Variants in LIFR observed in about 807,000 individuals in gnomAD.
LIFR encodes leukemia inhibitory factor receptor.
LIFR carries 84 observed loss-of-function variants against 122.2 expected under a neutral mutation model. The observed-to-expected ratio is 0.69, with a 90% CI of 0.58 to 0.82. LIFR has a LOEUF of 0.82. Among genes scored for constraint, LIFR ranks in the 40% least tolerant of loss-of-function variants. The pLI, the probability that LIFR is intolerant of heterozygous loss-of-function variation, is 0.00. For missense variants in LIFR, 1,294 were observed against 1,311.6 expected (o/e 0.99, Z 0.21); for synonymous variants, 422 against 434.7 (o/e 0.97, Z 0.36).
chr5:38,482,219 C>T lies in LIFR; in HGVS notation c.2671-1G>A. On this transcript the variant is annotated splice_acceptor_variant, in intron 19 of 19. Transcript: ENST00000453190. LOFTEE classifies it high-confidence loss of function. ...CCAATGTTTTAAGAGCACTGCTTCC[C>T]TAGAAATAAATTTAAACACAGTGAT... The T allele has an allele frequency of 6.2e-7, 1 of 1,603,648 alleles. No individual in the cohort carries two copies. The highest frequency in any genetic ancestry group is 1.1e-5 in the South Asian group (1 of 88,656).
upstream of LIFR, among the ~76,000 whole-genome samples, chr5:38,559,824 T>G (rs1377073517): frequency 6.6e-6 from 1 of 152,260 alleles, no homozygotes; most frequent in African/African-American, 2.4e-5. Context: ...GCTAAACGTC[T>G]GTGATCTTCT....
At position 38,499,493 on chromosome 5, in the gene LIFR, C is replaced by G; in HGVS notation, c.1671+20G>C. The G allele has an allele frequency of 2.0e-6, 3 of 1,505,048 alleles. No homozygotes were observed. The highest frequency in any genetic ancestry group is 2.8e-6 in the Non-Finnish European group (3 of 1,080,730). 93.2% of individuals were successfully genotyped at this position (1,505,048 alleles called of 1,614,324 possible). A position where few individuals can be genotyped will look rare whatever the true frequency, so the allele number is the denominator to read the frequency against. On this transcript the variant is annotated intron_variant, in intron 12 of 19. Coordinates refer to ENST00000453190, the MANE Select transcript of LIFR (RefSeq NM_001127671.2). ...TTTAGCAAAGTAATGTAAATGTTCA[C>G]AGAAAAATTAGATATTTACCTTCCA...
chr5:38,491,887 T>C (rs1033258089), intron 14 of LIFR, among the ~76,000 whole-genome samples: 1 of 152,228 alleles, frequency 6.6e-6, no homozygotes, highest in African/African-American at 2.4e-5. Context: ...TTATACTGCA[T>C]GTACATCTGT....
upstream of LIFR, chr5:38,556,831 G>A (rs1254838177): frequency 6.6e-6 from 1 of 150,942 alleles, no homozygotes; most frequent in Non-Finnish European, 1.5e-5. Flanking sequence ...CCGCGCGACG[G>A]GCCCCGGACG....
chr5:38,515,143 G>A (rs1032834442), intron 5 of LIFR, among the ~76,000 whole-genome samples: 6 of 152,174 alleles, frequency 3.9e-5, no homozygotes, highest in Admixed American at 1.3e-4. Flanking sequence ...TCTTGAGTGA[G>A]TTATAAATAT....
At chr5:38,485,604 T>C in intron 17 of LIFR, 1 of 598,866 alleles carries the variant, frequency 1.7e-6, no homozygotes, top group Non-Finnish European at 3.0e-6. Flanking sequence ...CATTAATTTC[T>C]TAGGTACTCA....
chr5:38,523,318 C>T, intron 5 of LIFR, 101 bp downstream of exon 5: 1 of 925,956 alleles, frequency 1.1e-6, no homozygotes, highest in South Asian at 1.7e-5. Flanking sequence ...GATTTACTTC[C>T]TAAATAATCC....
chr5:38,526,630 G>A (rs186865757), intron 4 of LIFR, among the ~76,000 whole-genome samples: 350 of 152,120 alleles, frequency 2.3e-3, no homozygotes, highest in Non-Finnish European at 3.8e-3. Flanking sequence ...ATTTGCTGAT[G>A]TATCCATCTC....
At chr5:38,539,641 G>T (rs565973768) in intron 1 of LIFR, among the ~76,000 whole-genome samples, 1 of 151,936 alleles carries the variant, frequency 6.6e-6, no homozygotes, top group Non-Finnish European at 1.5e-5. Flanking sequence ...TTAATAAAAA[G>T]AATACTGGCT....
At chr5:38,502,825 T>C (rs1312655296) in intron 10 of LIFR, 26 bp from the exon 11 acceptor site, 56 of 1,208,900 alleles carry the variant, frequency 4.6e-5, no homozygotes, top group African/African-American at 6.1e-5. Context: ...TAAATATATA[T>C]ATATGTATAT....
chr5:38,491,152 C>T (rs1329284581), intron 14 of LIFR, among the ~76,000 whole-genome samples: 1 of 152,180 alleles, frequency 6.6e-6, no homozygotes, highest in Non-Finnish European at 1.5e-5. Context: ...GGTGAGTTAA[C>T]TCCACAAGAT....
intron 1 of LIFR, among the ~76,000 whole-genome samples, chr5:38,580,184 C>T (rs984489181): frequency 6.6e-6 from 1 of 152,132 alleles, no homozygotes; most frequent in Non-Finnish European, 1.5e-5. Context: ...CACCTCCACC[C>T]AAATGCATCC....
At chr5:38,564,702 A>C (rs1326790879) in intron 1 of LIFR, among the ~76,000 whole-genome samples, 2 of 150,076 alleles carry the variant, frequency 1.3e-5, no homozygotes, top group African/African-American at 2.4e-5. Flanking sequence ...GCATATGTAT[A>C]TATATACACA....
chr5:38,521,505 G>T (rs1051695132), intron 5 of LIFR, among the ~76,000 whole-genome samples: 2 of 152,204 alleles, frequency 1.3e-5, no homozygotes, highest in Admixed American at 1.3e-4. Context: ...TCCCGGCAGT[G>T]GAAGTGGTAA....
chr5:38,583,084 T>A (rs1485585297), intron 1 of LIFR, among the ~76,000 whole-genome samples: 1 of 152,194 alleles, frequency 6.6e-6, no homozygotes, highest in Non-Finnish European at 1.5e-5. Flanking sequence ...TTCCTCCCTA[T>A]ACTCAGAGCA....
upstream of LIFR, among the ~76,000 whole-genome samples, chr5:38,559,597 G>A (rs1226736554): frequency 2.6e-5 from 4 of 152,100 alleles, no homozygotes; most frequent in East Asian, 1.9e-4. Context: ...GAACAAGAAC[G>A]TACTTTGTTT....
intron 1 of LIFR, among the ~76,000 whole-genome samples, chr5:38,569,373 C>G (rs1339488458): frequency 6.6e-6 from 1 of 152,132 alleles, no homozygotes; most frequent in African/African-American, 2.4e-5. Flanking sequence ...CCCTGCTCAG[C>G]AGGAGGTGAG....
At chr5:38,501,500 T>C (rs1413373116) in intron 11 of LIFR, among the ~76,000 whole-genome samples, 1 of 152,308 alleles carries the variant, frequency 6.6e-6, no homozygotes, top group East Asian at 1.9e-4. Context: ...ACGCCTGTAA[T>C]CCCAGTACTT....
intron 16 of LIFR, among the ~76,000 whole-genome samples, chr5:38,487,728 G>A (rs955164279): frequency 6.6e-6 from 1 of 152,122 alleles, no homozygotes; most frequent in Non-Finnish European, 1.5e-5. Context: ...GGCAGAAAGC[G>A]AAACCATGGT....
Sources: gnomAD v4.1 joint callset for allele counts (sites outside exome capture counted in the v4.1 genomes callset) on GRCh38, gnomAD v4.1.1 for gene constraint, MANE v1.5 for transcripts, NCBI Gene and HGNC (gene_info 2026-07-23, HGNC 2026-07-21) for gene names.